The following HDAC9 variants were observed in gnomAD, a reference collection of about 807,000 sequenced individuals.
HDAC9 encodes the protein histone deacetylase 9.
HDAC9 carries 41 observed loss-of-function variants against 139.4 expected under a neutral mutation model. That is an observed-to-expected ratio of 0.29 (90% CI 0.23 to 0.38). The LOEUF (loss-of-function observed/expected upper bound fraction) is 0.38. HDAC9 is among the 10% of genes least tolerant of loss of function. The probability of loss-of-function intolerance (pLI) is 1.00; values close to 1 mark genes in which losing one functional copy is unlikely to be tolerated. For missense variants in HDAC9, 1,147 were observed against 1,297.0 expected (o/e 0.88, Z 1.78); for synonymous variants, 517 against 476.2 (o/e 1.09, Z -1.12).
At chr7:18,714,943 A>G (rs1379512595) in intron 12 of HDAC9, among the ~76,000 whole-genome samples, 1 of 152,248 alleles carries the variant, frequency 6.6e-6, no homozygotes, top group Non-Finnish European at 1.5e-5. Context: ...AAAGCCAAGA[A>G]ATAATTACAA....
At chr7:18,116,804 T>A (rs78901226) in intron 1 of HDAC9, among the ~76,000 whole-genome samples, 3 of 152,100 alleles carry the variant, frequency 2.0e-5, no homozygotes, top group African/African-American at 7.2e-5. Flanking sequence ...TGCATGACCT[T>A]GGGGAAAATT....
At chr7:18,550,644 T>C (rs575850041) in intron 2 of HDAC9, among the ~76,000 whole-genome samples, 11 of 152,256 alleles carry the variant, frequency 7.2e-5, no homozygotes, top group South Asian at 2.1e-4. Context: ...TGTGAGAAAC[T>C]GTAAGGAATT....
intron 1 of HDAC9, among the ~76,000 whole-genome samples, chr7:18,399,112 T>A (rs533972284): frequency 2.4e-4 from 36 of 152,282 alleles, no homozygotes; most frequent in Non-Finnish European, 4.7e-4. Flanking sequence ...CAAGCAACCC[T>A]TATAAAAGGC....
chr7:18,257,369 A>ACTCTCT (rs146860772), intron 2 of HDAC9, among the ~76,000 whole-genome samples: 9 of 110,320 alleles, frequency 8.2e-5, no homozygotes, highest in African/African-American at 2.1e-4. Context: ...TGTCTCTCTG[A>ACTCTCT]CTCTCTCTCT....
intron 6 of HDAC9, among the ~76,000 whole-genome samples, chr7:18,611,789 T>C (rs1367045282): frequency 6.6e-6 from 1 of 152,170 alleles, no homozygotes; most frequent in Non-Finnish European, 1.5e-5. Flanking sequence ...CAATGATGAA[T>C]AAAGTTCAAA....
In HDAC9 at chr7:18,728,402, A is replaced by AACAC. The variant is rs56281287; in HGVS notation, c.1909+687_1909+690dup. Among the ~76,000 whole-genome samples, 1,168 of 145,618 alleles carry AACAC rather than the reference A, an allele frequency of 8.0e-3. 7 individuals are homozygous for AACAC. Among genetic ancestry groups the AACAC allele is most frequent in the Middle Eastern group, 0.017 (5 of 290 alleles). ...AAGGCCAAAGGAAGGTTAAGTGTGG[A>AACAC]ACACACACACACACACACACACACA... On this transcript the variant is annotated intron_variant, in intron 13 of 25. Coordinates refer to ENST00000686413, the MANE Select transcript of HDAC9 (RefSeq NM_178425.4).
chr7:18,746,560 A>C (rs1488941754), intron 13 of HDAC9, among the ~76,000 whole-genome samples: 2 of 152,248 alleles, frequency 1.3e-5, no homozygotes, highest in Non-Finnish European at 2.9e-5. Context: ...GATAAGGGAC[A>C]TAAAATAAAA....
chr7:18,759,763 G>T (rs192847474), intron 14 of HDAC9, among the ~76,000 whole-genome samples: 2 of 152,046 alleles, frequency 1.3e-5, no homozygotes, highest in African/African-American at 4.8e-5. Context: ...AGTGAATCTC[G>T]TTAGCAGATG....
At chr7:18,209,177 A>ATTC (rs1374668440) in intron 2 of HDAC9, among the ~76,000 whole-genome samples, 2 of 152,184 alleles carry the variant, frequency 1.3e-5, no homozygotes, top group Non-Finnish European at 2.9e-5. Context: ...GACCTTTTAC[A>ATTC]TTCTGATTCA....
intron 2 of HDAC9, among the ~76,000 whole-genome samples, chr7:18,255,459 G>C (rs1416450589): frequency 6.6e-6 from 1 of 152,070 alleles, no homozygotes; most frequent in African/African-American, 2.4e-5. Context: ...GACAAAGGGA[G>C]GAGCTGTTTG....
At chr7:18,519,704 A>G (rs1282571421) in intron 2 of HDAC9, among the ~76,000 whole-genome samples, 1 of 151,818 alleles carries the variant, frequency 6.6e-6, no homozygotes, top group East Asian at 1.9e-4. Flanking sequence ...TACTATAAAA[A>G]TTAAAAATCT....
intron 2 of HDAC9, among the ~76,000 whole-genome samples, chr7:18,545,218 A>T (rs1396670896): frequency 6.6e-6 from 1 of 152,194 alleles, no homozygotes; most frequent in Non-Finnish European, 1.5e-5. Context: ...GCATCTGTCA[A>T]GCACTAAATG....
At chr7:18,844,642 A>G (rs1796793434) in intron 21 of HDAC9, among the ~76,000 whole-genome samples, 1 of 152,232 alleles carries the variant, frequency 6.6e-6, no homozygotes, top group South Asian at 2.1e-4. Context: ...ACTGAATTTC[A>G]GAAACAAAAG....
At chr7:18,753,652 A>G (rs1219566015) in intron 14 of HDAC9, among the ~76,000 whole-genome samples, 1 of 152,168 alleles carries the variant, frequency 6.6e-6, no homozygotes, top group Non-Finnish European at 1.5e-5. Context: ...AGACTGATCC[A>G]CAACTCAAAC....
intron 1 of HDAC9, among the ~76,000 whole-genome samples, chr7:18,415,298 A>G (rs944264627): frequency 6.6e-6 from 1 of 152,198 alleles, no homozygotes; most frequent in African/African-American, 2.4e-5. Context: ...GCCAGTTCAC[A>G]CTGGTACAAC....
chr7:18,725,363 A>G (rs1475309184), intron 12 of HDAC9, among the ~76,000 whole-genome samples: 2 of 152,166 alleles, frequency 1.3e-5, no homozygotes, highest in Admixed American at 1.3e-4. Flanking sequence ...AGTAGATAGT[A>G]TTCGGTTAGA....
intron 2 of HDAC9, among the ~76,000 whole-genome samples, chr7:18,530,008 C>A (rs1217830516): frequency 6.6e-6 from 1 of 152,088 alleles, no homozygotes; most frequent in Non-Finnish European, 1.5e-5. Context: ...CGGTGGTTCA[C>A]TTCCGTAATC....
intron 1 of HDAC9, among the ~76,000 whole-genome samples, chr7:18,099,195 C>A (rs950768266): frequency 1.3e-5 from 2 of 152,178 alleles, no homozygotes; most frequent in African/African-American, 4.8e-5. Context: ...TGTGTTGGCT[C>A]ACGCCTGTAA....
chr7:18,366,896 GA>G (rs57646566), intron 1 of HDAC9, among the ~76,000 whole-genome samples: 47,267 of 151,718 alleles, frequency 0.31, 7,862 homozygotes, highest in East Asian at 0.45. Flanking sequence ...AGTTTAGTAA[GA>G]AAAAAATCTA....
Sources: gnomAD v4.1 joint callset for allele counts (sites outside exome capture counted in the v4.1 genomes callset) on GRCh38, gnomAD v4.1.1 for gene constraint, MANE v1.5 for transcripts, NCBI Gene and HGNC (gene_info 2026-07-23, HGNC 2026-07-21) for gene names.